CALN1: variants seen among roughly 807,000 people sequenced by gnomAD.
CALN1 encodes the protein calneuron 1, also known as calcium-binding protein 8.
A neutral mutation model predicts 30.6 loss-of-function variants in CALN1; 17 were observed. The observed-to-expected ratio is 0.56, with a 90% confidence interval of 0.38 to 0.83. The LOEUF (loss-of-function observed/expected upper bound fraction) is 0.83, where lower values mean the gene tolerates loss of function less well. CALN1 is among the 40% of genes least tolerant of loss of function. The probability of loss-of-function intolerance (pLI) is 0.00; values close to 1 mark genes in which losing one functional copy is unlikely to be tolerated. For synonymous variants in CALN1, 156 were observed against 131.4 expected (o/e 1.19, Z -1.28); for missense variants, 291 against 354.9 (o/e 0.82, Z 1.45).
intron 2 of CALN1, among the ~76,000 whole-genome samples, chr7:72,286,924 G>C (rs139021962): frequency 8.5e-4 from 130 of 152,308 alleles, no homozygotes; most frequent in Middle Eastern, 3.4e-3. Context: ...AGAAATATCA[G>C]AGTGAGAAGA....
At chr7:71,852,419 T>C (rs1790699229) in intron 5 of CALN1, among the ~76,000 whole-genome samples, 1 of 150,728 alleles carries the variant, frequency 6.6e-6, no homozygotes, top group East Asian at 2.0e-4. Context: ...GGAAGACAGA[T>C]TGAGCTCAAG....
intron 3 of CALN1, among the ~76,000 whole-genome samples, chr7:72,118,782 T>C (rs1808174060): frequency 6.6e-6 from 1 of 152,174 alleles, no homozygotes; most frequent in South Asian, 2.1e-4. Context: ...TCTGGGAAGA[T>C]GTCAAGTCAG....
chr7:72,449,672 A>C (rs948089771), upstream of CALN1, among the ~76,000 whole-genome samples: 8 of 151,984 alleles, frequency 5.3e-5, no homozygotes. Flanking sequence ...GGAGATCGAG[A>C]CCATCCTGGC....
At chr7:72,095,100 G>C (rs886353809) in intron 4 of CALN1, among the ~76,000 whole-genome samples, 2 of 152,060 alleles carry the variant, frequency 1.3e-5, no homozygotes, top group Non-Finnish European at 2.9e-5. Flanking sequence ...AAAGCTATCT[G>C]GTTAAGATCT....
At chr7:72,012,569 T>C (rs1388260253) in intron 5 of CALN1, among the ~76,000 whole-genome samples, 2 of 152,194 alleles carry the variant, frequency 1.3e-5, no homozygotes, top group African/African-American at 4.8e-5. Context: ...GATCATAAAA[T>C]CATTTCAGAC....
intron 4 of CALN1, among the ~76,000 whole-genome samples, chr7:72,045,760 G>A (rs1262289298): frequency 6.6e-6 from 1 of 152,096 alleles, no homozygotes; most frequent in Admixed American, 6.6e-5. Flanking sequence ...AACACTTTGG[G>A]AGGCAGAGGT....
chr7:71,969,827 A>ATTT (rs35595164), intron 5 of CALN1, among the ~76,000 whole-genome samples: 65 of 142,254 alleles, frequency 4.6e-4, no homozygotes, highest in Non-Finnish European at 1.1e-4. Context: ...CTGTAGGACC[A>ATTT]TTTTTTTTTT....
At chr7:71,951,159 A>G (rs1000831753) in intron 5 of CALN1, among the ~76,000 whole-genome samples, 1 of 152,214 alleles carries the variant, frequency 6.6e-6, no homozygotes, top group Non-Finnish European at 1.5e-5. Context: ...CAGTCAAAAG[A>G]TGACAGCATA....
intron 5 of CALN1, among the ~76,000 whole-genome samples, chr7:71,977,248 T>G (rs371717882): frequency 6.6e-6 from 1 of 151,872 alleles, no homozygotes; most frequent in South Asian, 2.1e-4. Flanking sequence ...CTCGGCAACA[T>G]AGCGAGACCC....
intron 4 of CALN1, among the ~76,000 whole-genome samples, chr7:72,088,720 A>G (rs570886535): frequency 9.4e-5 from 14 of 149,662 alleles, no homozygotes; most frequent in African/African-American, 3.2e-4. Context: ...AAAAAAAAAG[A>G]AAGAAGAAAG....
intron 2 of CALN1, among the ~76,000 whole-genome samples, chr7:72,296,979 T>C (rs1429616930): frequency 6.6e-6 from 1 of 152,170 alleles, no homozygotes; most frequent in African/African-American, 2.4e-5. Context: ...CTTTTGAATG[T>C]GTTTGCTCTT....
chr7:71,902,219 G>A (rs1015656520), intron 5 of CALN1, among the ~76,000 whole-genome samples: 5 of 150,000 alleles, frequency 3.3e-5, no homozygotes, highest in Admixed American at 1.3e-4. Flanking sequence ...GCGAGACTCC[G>A]TCTCAAAACC....
At chr7:72,212,964 A>C (rs866191622) in intron 3 of CALN1, among the ~76,000 whole-genome samples, 1 of 152,214 alleles carries the variant, frequency 6.6e-6, no homozygotes, top group African/African-American at 2.4e-5. Flanking sequence ...TTGATTGTGG[A>C]GTCCACAAAA....
At chr7:72,326,961 C>A (rs1214672828) in intron 2 of CALN1, among the ~76,000 whole-genome samples, 1 of 152,186 alleles carries the variant, frequency 6.6e-6, no homozygotes, top group Non-Finnish European at 1.5e-5. Flanking sequence ...CTTCTAAACA[C>A]ATATTCATTC....
At chr7:72,313,587 G>A (rs986403424) in intron 2 of CALN1, among the ~76,000 whole-genome samples, 1 of 152,024 alleles carries the variant, frequency 6.6e-6, no homozygotes, top group African/African-American at 2.4e-5. Context: ...TAGAGATGGG[G>A]TCTCACTGTG....
intron 2 of CALN1, among the ~76,000 whole-genome samples, chr7:72,388,530 G>A (rs1004829373): frequency 1.3e-5 from 2 of 152,146 alleles, no homozygotes; most frequent in South Asian, 2.1e-4. Flanking sequence ...CCATACTTAA[G>A]TAAAATGCTA....
chr7:71,847,756 GA>G (rs201463689), intron 5 of CALN1, among the ~76,000 whole-genome samples: 21 of 116,028 alleles, frequency 1.8e-4, no homozygotes, highest in African/African-American at 5.0e-4. Flanking sequence ...GAAGAAAGAA[GA>G]AAGAAGAAGA....
At chr7:72,094,998 G>T (rs987064415) in intron 4 of CALN1, among the ~76,000 whole-genome samples, 4 of 152,042 alleles carry the variant, frequency 2.6e-5, no homozygotes, top group Non-Finnish European at 5.9e-5. Context: ...ATGACTCAGG[G>T]GCGTGTGTGT....
In CALN1 at chr7:72,205,554, ATATATATATATATG is replaced by A. The variant is rs1162135679; in HGVS notation, c.244+73118_244+73131del. ...TTTCTCCTGATTGCAAAAAAAAAAT[ATATATATATATATG>A]TATATATATATATATATATTCAGGA... On this transcript the variant is annotated intron_variant, in intron 3 of 6. Coordinates refer to ENST00000395275, the MANE Select transcript of CALN1 (RefSeq NM_031468.4). Among the ~76,000 whole-genome samples, 33 of 58,308 alleles carry A rather than the reference ATATATATATATATG, an allele frequency of 5.7e-4. 3 individuals carry two copies. Among genetic ancestry groups the A allele is most frequent in the South Asian group, 3.2e-3 (4 of 1,262 alleles). 38.3% of individuals were successfully genotyped at this position (58,308 alleles called of 152,430 possible). A position where few individuals can be genotyped will look rare whatever the true frequency, so the allele number is the denominator to read the frequency against.
Sources: gnomAD v4.1 joint callset for allele counts (sites outside exome capture counted in the v4.1 genomes callset) on GRCh38, gnomAD v4.1.1 for gene constraint, MANE v1.5 for transcripts, NCBI Gene and HGNC (gene_info 2026-07-23, HGNC 2026-07-21) for gene names.